NAV3: variants seen among roughly 807,000 people sequenced by gnomAD.
The protein encoded by NAV3 is neuron navigator 3.
In NAV3, 87 loss-of-function variants were observed where a neutral mutation model predicts 244.7. That is an observed-to-expected ratio of 0.36 (90% CI 0.30 to 0.42). NAV3 has a LOEUF of 0.42. NAV3 is among the 20% of genes least tolerant of loss of function. The pLI is 1.00. For missense variants in NAV3, 2,663 were observed against 2,893.3 expected (o/e 0.92, Z 1.83); for synonymous variants, 1,126 against 1,042.2 (o/e 1.08, Z -1.55).
chr12:77,699,108 T>C (rs1012955830), intron 2 of NAV3, among the ~76,000 whole-genome samples: 6 of 152,154 alleles, frequency 3.9e-5, no homozygotes, highest in African/African-American at 1.4e-4. Flanking sequence ...ATTTGATATA[T>C]TTCACTGGCA....
chr12:77,791,526 A>G (rs1459604690), intron 2 of NAV3, among the ~76,000 whole-genome samples: 2 of 152,120 alleles, frequency 1.3e-5, no homozygotes, highest in African/African-American at 4.8e-5. Flanking sequence ...TGGTTTGAGT[A>G]TATTGTCTCA....
chr12:77,868,734 T>G, intron 1 of NAV3, among the ~76,000 whole-genome samples: 1 of 128,432 alleles, frequency 7.8e-6, no homozygotes, highest in Non-Finnish European at 1.6e-5. Flanking sequence ...CCAGCCTGGG[T>G]GACAGAGTGA....
At chr12:77,770,625 C>A (rs1325889618) in intron 2 of NAV3, among the ~76,000 whole-genome samples, 2 of 152,144 alleles carry the variant, frequency 1.3e-5, no homozygotes, top group Non-Finnish European at 2.9e-5. Context: ...TACACCACAG[C>A]GTTTAGAGCT....
chr12:77,954,503 T>G (rs1891185448), intron 3 of NAV3, among the ~76,000 whole-genome samples: 1 of 152,234 alleles, frequency 6.6e-6, no homozygotes, highest in East Asian at 1.9e-4. Context: ...TCTCTGAGCC[T>G]CTACTGAATA....
chr12:77,851,779 T>C (rs568066887), intron 1 of NAV3, among the ~76,000 whole-genome samples: 1 of 152,338 alleles, frequency 6.6e-6, no homozygotes, highest in East Asian at 1.9e-4. Flanking sequence ...TAAAGCATTA[T>C]CTAATACCAG....
intron 8 of NAV3, among the ~76,000 whole-genome samples, chr12:78,014,397 A>G (rs1466002887): frequency 6.6e-6 from 1 of 152,150 alleles, no homozygotes; most frequent in Non-Finnish European, 1.5e-5. Context: ...TCATAAGGAG[A>G]AAAGTATCAT....
chr12:77,616,118 T>C (rs1175136110), intron 2 of NAV3, among the ~76,000 whole-genome samples: 1 of 152,068 alleles, frequency 6.6e-6, no homozygotes, highest in African/African-American at 2.4e-5. Context: ...CATAAGAAGT[T>C]AGTATGAGGC....
At position 77,871,805 on chromosome 12, in the gene NAV3, T is replaced by G. The variant is rs561809827; in HGVS notation, c.243+40101T>G. 9.2e-5 allele frequency among the ~76,000 whole-genome samples: 14 copies of G among 152,322 alleles called. No individual in the cohort carries two copies. The South Asian group carries it at 2.9e-3, about 32-fold the overall frequency. Reference sequence around the variant, plus strand: ...GATAATCCATTGGGTACGTACCCAGTAATGGCATTGCTGGGTCAAATGGTA... The same window carrying G: ...GATAATCCATTGGGTACGTACCCAGGAATGGCATTGCTGGGTCAAATGGTA... On this transcript the variant is annotated intron_variant, in intron 1 of 39. Coordinates refer to ENST00000397909, the MANE Select transcript of NAV3 (RefSeq NM_001024383.2).
At chr12:77,632,082 ATATTC>A (rs780578542) in intron 2 of NAV3, among the ~76,000 whole-genome samples, 42,794 of 151,800 alleles carry the variant, frequency 0.28, 7,683 homozygotes, top group African/African-American at 0.5. Context: ...AGGTGGGTTC[ATATTC>A]AGAAAATTGT....
chr12:77,961,233 AAT>A (rs1891925498), intron 3 of NAV3, among the ~76,000 whole-genome samples: 1 of 3,758 alleles, frequency 2.7e-4, no homozygotes, highest in African/African-American at 3.4e-4. Flanking sequence ...TATATGTAAT[AAT>A]ATATTAAAGT....
chr12:77,987,827 A>C (rs917416538), intron 5 of NAV3, among the ~76,000 whole-genome samples: 5 of 152,196 alleles, frequency 3.3e-5, no homozygotes, highest in African/African-American at 1.2e-4. Context: ...TTTGAAATAT[A>C]CATTTGCTAT....
chr12:78,030,981 AG>A (rs1878877984), intron 9 of NAV3, among the ~76,000 whole-genome samples: 1 of 152,158 alleles, frequency 6.6e-6, no homozygotes. Flanking sequence ...TGCAACCCCA[AG>A]CTTCAACACT....
chr12:78,088,247 A>T (rs1953739307), intron 12 of NAV3, among the ~76,000 whole-genome samples: 1 of 151,850 alleles, frequency 6.6e-6, no homozygotes, highest in South Asian at 2.1e-4. Context: ...TCTGAAATGC[A>T]TGTGAAGAAA....
intron 2 of NAV3, among the ~76,000 whole-genome samples, chr12:77,674,916 A>G (rs1370248519): frequency 6.6e-6 from 1 of 152,228 alleles, no homozygotes; most frequent in East Asian, 1.9e-4. Flanking sequence ...TTTGAACTGT[A>G]CTAAGTGCCA....
chr12:77,709,614 A>C (rs1163954133), intron 2 of NAV3, among the ~76,000 whole-genome samples: 1 of 152,236 alleles, frequency 6.6e-6, no homozygotes, highest in Non-Finnish European at 1.5e-5. Flanking sequence ...CTTTCCTTAC[A>C]AAATGACGAG....
chr12:78,188,618 T>G lies in NAV3; in HGVS notation c.5896T>G (p.Phe1966Val). 2 of 1,610,892 alleles carry G rather than the reference T, an allele frequency of 1.2e-6. No individual in the cohort carries two copies. Among genetic ancestry groups the G allele is most frequent in the South Asian group, 2.2e-5 (2 of 90,842 alleles). The change falls in exon 33 of 40, where the codon TTC becomes GTC. Residue 1966 changes from phenylalanine (F) to valine (V), a missense_variant. By Grantham distance (50) the Phe-to-Val change is conservative (BLOSUM62 -1). Around this residue, in one of 6 missense-constraint regions of NAV3, gnomAD observed 543 missense variants for 672.4 expected, o/e 0.81. Transcript: ENST00000397909. ...VIRRLFKEYV[F>V]RIDTSTSLGL... ...GTGTGTACCATTGTAGGAATATGTA[T>G]TCCGAATTGATACATCCACTAGCCT...
At chr12:77,904,514 A>C (rs143737626) in intron 1 of NAV3, among the ~76,000 whole-genome samples, 2,412 of 152,202 alleles carry the variant, frequency 0.016, 72 homozygotes, top group African/African-American at 0.055. Flanking sequence ...GGAGGGGGAG[A>C]GATAACATTA....
chr12:78,037,170 G>C (rs1400838924), intron 9 of NAV3: 1 of 702,948 alleles, frequency 1.4e-6, no homozygotes, highest in Non-Finnish European at 2.6e-6. Flanking sequence ...TGAAGACTTA[G>C]AGGAATTGTC....
chr12:77,922,520 G>T (rs1329839908), intron 1 of NAV3, among the ~76,000 whole-genome samples: 1 of 152,010 alleles, frequency 6.6e-6, no homozygotes, highest in Non-Finnish European at 1.5e-5. Context: ...TCCTACAGAG[G>T]TGTTGCTCAG....
Sources: allele counts gnomAD v4.1 joint callset (sites outside exome capture counted in the v4.1 genomes callset), GRCh38; gene constraint gnomAD v4.1.1; regional missense constraint gnomAD v4.1.1; transcripts MANE v1.5; gene names NCBI Gene and HGNC (gene_info 2026-07-23, HGNC 2026-07-21).